AHNAK: variants seen among roughly 807,000 people sequenced by gnomAD.
AHNAK encodes the protein neuroblast differentiation-associated protein AHNAK.
A neutral mutation model predicts 37.8 loss-of-function variants in AHNAK; 23 were observed. The ratio of observed to expected loss-of-function variants is 0.61; its 90% confidence interval spans 0.44 to 0.86. The LOEUF is 0.86. Among genes scored for constraint, AHNAK ranks in the 40% least tolerant of loss-of-function variants. The probability of loss-of-function intolerance (pLI) is 0.00; values close to 1 mark genes in which losing one functional copy is unlikely to be tolerated. For missense variants in AHNAK, 7,411 were observed against 7,319.4 expected, an observed-to-expected ratio of 1.01 and a Z score of -0.46; for synonymous variants, 2,481 against 2,636.3, an observed-to-expected ratio of 0.94 and a Z score of 1.80.
chr11:62,516,621 C>G lies in AHNAK; in HGVS notation c.*123G>C, dbSNP rs1380335514. On this transcript the variant is annotated 3_prime_UTR_variant, in exon 5 of 5. Transcript: ENST00000378024. ...TTTCAGCGCTTGCCACCGGGCCAGG[C>G]AAGGTCTTTGCATGATTGCTGAGGC... is the stretch of plus-strand genomic sequence containing the variant. The G allele has an allele frequency of 6.0e-6, 9 of 1,492,228 alleles. No individual in the cohort carries two copies. Among genetic ancestry groups the G allele is most frequent in the Non-Finnish European group, 8.0e-6 (9 of 1,131,454 alleles). The allele number at this position is 1,492,228 out of a possible 1,614,324, so 92.4% of individuals were successfully genotyped here. A position where few individuals can be genotyped will look rare whatever the true frequency, so the allele number is the denominator to read the frequency against.
At chr11:62,544,553 T>TC in intron 1 of AHNAK, among the ~76,000 whole-genome samples, 1 of 151,924 alleles carries the variant, frequency 6.6e-6, no homozygotes, top group South Asian at 2.1e-4. Flanking sequence ...ACTCTTACCC[T>TC]CCCTAGCTCC....
At chr11:62,433,991 G>A in intron 5 of AHNAK, 1 of 1,453,810 alleles carries the variant, frequency 6.9e-7, no homozygotes, top group South Asian at 1.2e-5. Context: ...CTGAAAGAAG[G>A]TCCCCCCACT....
At position 62,524,492 on chromosome 11, in the gene AHNAK, C is replaced by A; in HGVS notation, c.9925G>T (p.Gly3309Ter). 6.2e-7 allele frequency: 1 copy of A among 1,614,142 alleles called. No individual in the cohort carries two copies. Among genetic ancestry groups the A allele is most frequent in the Non-Finnish European group, 8.5e-7 (1 of 1,180,022 alleles). ...TTGGGCCCAGAGACATCAACATCTCCCTTAAGCTTTGAGCCTTTCAAATTC... is the reference window on the plus strand; with the variant it reads ...TTGGGCCCAGAGACATCAACATCTCACTTAAGCTTTGAGCCTTTCAAATTC... ...DLNLKGSKLK[G>*]DVDVSGPKLE... The change falls in exon 5 of 5, where the codon GGA (glycine) becomes TGA (stop). Residue 3309 changes from glycine to a stop codon, truncating the protein, a stop_gained. Coordinates refer to ENST00000378024, the MANE Select transcript of AHNAK (RefSeq NM_001620.3). LOFTEE classifies it low-confidence loss of function (END_TRUNC).
At chr11:62,504,322 C>G (rs559526341) in intron 4 of AHNAK, among the ~76,000 whole-genome samples, 8 of 152,166 alleles carry the variant, frequency 5.3e-5, no homozygotes, top group African/African-American at 1.7e-4. Flanking sequence ...TGCCAGGCCC[C>G]CCAGCAAATT....
In AHNAK at chr11:62,532,418, C is replaced by G; in HGVS notation, c.1999G>C (p.Glu667Gln). 1 of 1,614,110 alleles carries G rather than the reference C, an allele frequency of 6.2e-7. No individual in the cohort carries two copies. Among genetic ancestry groups the G allele is most frequent in the Non-Finnish European group, 8.5e-7 (1 of 1,180,026 alleles). The change falls in exon 5 of 5, where the codon GAA (glutamate) becomes CAA (glutamine). Residue 667 changes from glutamate to glutamine, a missense_variant. Coordinates refer to ENST00000378024, the MANE Select transcript of AHNAK (RefSeq NM_001620.3). ...ISISGPKVNV[E>Q]APDVNLEGLG... The stretch of plus-strand genomic sequence containing the variant: ...CCCTCCAAGTTGACATCTGGGGCTT[C>G]CACATTGACCTTGGGCCCTGAAATA...
chr11:62,494,829 G>A (rs939959097), intron 4 of AHNAK, among the ~76,000 whole-genome samples: 4 of 151,794 alleles, frequency 2.6e-5, no homozygotes, highest in African/African-American at 9.7e-5. Context: ...TGACCAACAT[G>A]GTCTCTACTA....
chr11:62,454,877 T>A (rs1938622825), intron 5 of AHNAK, among the ~76,000 whole-genome samples: 2 of 152,040 alleles, frequency 1.3e-5, no homozygotes, highest in Non-Finnish European at 2.9e-5. Flanking sequence ...ACCCACACCT[T>A]CCTTAAGTGA....
chr11:62,525,211 C>A lies in AHNAK; in HGVS notation c.9206G>T (p.Gly3069Val), dbSNP rs147904418. 1 of 1,611,630 alleles carries A rather than the reference C, an allele frequency of 6.2e-7. No individual in the cohort carries two copies. Among genetic ancestry groups the A allele is most frequent in the African/African-American group, 1.3e-5 (1 of 74,108 alleles). ...GGGACCTTTCAACTTTCCCTCTGGGCCTTCGATATTCACATCTGGAACATC... is the reference window on the plus strand; with the variant it reads ...GGGACCTTTCAACTTTCCCTCTGGGACTTCGATATTCACATCTGGAACATC... ...DIDVPDVNIE[G>V]PEGKLKGPKF... Residue 3069 changes from glycine to valine, a missense_variant, in exon 5 of 5, where the codon GGC becomes GTC. Gly to Val is a moderately radical substitution (Grantham distance 109). Transcript: ENST00000378024.
chr11:62,458,164 C>T (rs1370517510), intron 5 of AHNAK, among the ~76,000 whole-genome samples: 1 of 152,038 alleles, frequency 6.6e-6, no homozygotes. Flanking sequence ...ATGATCCACC[C>T]GCCTTGGCCT....
chr11:62,434,914 C>T lies in AHNAK; in HGVS notation c.443-1023G>A, dbSNP rs150870692. On this transcript the variant is annotated intron_variant, in intron 5 of 5. Transcript: ENST00000257247. ...TGTCACTGCACTTCAGCCTGGACAA[C>T]ATGGCAAGACCCTGTCTCAAAAAAA... Among the ~76,000 whole-genome samples the T allele has an allele frequency of 3.7e-3, 460 of 123,506 alleles. 4 individuals carry two copies. Among genetic ancestry groups the T allele is most frequent in the Middle Eastern group, 0.032 (5 of 158 alleles). 81.0% of individuals were successfully genotyped at this position (123,506 alleles called of 152,430 possible).
intron 4 of AHNAK, among the ~76,000 whole-genome samples, chr11:62,492,489 G>A (rs1296892186): frequency 3.3e-5 from 5 of 152,288 alleles, no homozygotes; most frequent in African/African-American, 1.2e-4. Flanking sequence ...ACTGAAACCA[G>A]TTCGTGGAGA....
rs1433650579 is a variant in AHNAK at position 62,532,391 on chromosome 11, G to C, written c.2026C>G (p.Leu676Val). 6.2e-7 allele frequency: 1 copy of C among 1,614,008 alleles called. No individual in the cohort carries two copies. Among genetic ancestry groups the C allele is most frequent in the Non-Finnish European group, 8.5e-7 (1 of 1,180,036 alleles). ...VEAPDVNLEGLGGKLKGPDVK... is the reference protein window; with the variant it reads ...VEAPDVNLEGVGGKLKGPDVK... ...TCGGGGCCTTTAAGTTTTCCCCCCA[G>C]ACCCTCCAAGTTGACATCTGGGGCT... Residue 676 changes from leucine to valine, a missense_variant, in exon 5 of 5, where the codon CTG (leucine) becomes GTG (valine). By Grantham distance (32) the Leu-to-Val change is conservative. Transcript: ENST00000378024.
rs542398092 is a variant in AHNAK at position 62,485,530 on chromosome 11, G to A, written c.442+6202C>T. 7.9e-5 allele frequency among the ~76,000 whole-genome samples: 12 copies of A among 151,816 alleles called. No individual in the cohort carries two copies. The East Asian group carries it at 1.2e-3, about 15-fold the overall frequency. ...ATCCTGGCTAACACGGTGAAACCCC[G>A]TCTCTACTAAAAATACAAAAAATTA... On this transcript the variant is annotated intron_variant, in intron 5 of 5. Coordinates refer to the AHNAK transcript ENST00000257247.
In AHNAK at chr11:62,526,907, G is replaced by A; in HGVS notation, c.7510C>T (p.Pro2504Ser). 1 of 1,614,204 alleles carries A rather than the reference G, an allele frequency of 6.2e-7. No homozygotes were observed. The highest frequency in any genetic ancestry group is 1.3e-5 in the African/African-American group (1 of 75,032). Residue 2504 changes from proline (P) to serine (S), a missense_variant, in exon 5 of 5, where the codon CCA (proline) becomes TCA (serine). Coordinates refer to ENST00000378024, the MANE Select transcript of AHNAK (RefSeq NM_001620.3). ...VDVNAPDVQA[P>S]DWHLKMPKMK... is the part of the protein sequence containing the mutation. The stretch of plus-strand genomic sequence containing the variant: ...TTGGGCATCTTCAGGTGCCAGTCTG[G>A]AGCTTGGACATCGGGGGCATTTACA...
At chr11:62,536,427 T>G in intron 2 of AHNAK, 42 bp downstream of exon 2, 2 of 237,694 alleles carry the variant, frequency 8.4e-6, no homozygotes, top group East Asian at 8.5e-5. Context: ...CCTCCCCACA[T>G]CCCGTCACCT....
chr11:62,516,507 G>T lies in AHNAK; in HGVS notation c.*237C>A. 1 of 1,385,634 alleles carries T rather than the reference G, an allele frequency of 7.2e-7. No homozygotes were observed. Among genetic ancestry groups the T allele is most frequent in the Non-Finnish European group, 9.3e-7 (1 of 1,073,116 alleles). 85.8% of individuals were successfully genotyped at this position (1,385,634 alleles called of 1,614,324 possible). On this transcript the variant is annotated 3_prime_UTR_variant, in exon 5 of 5. Transcript: ENST00000378024. ...AAATATATATATATGAAATCTTAAG[G>T]CAAATACTGTTGACTTTGCACATGG... is the stretch of plus-strand genomic sequence containing the variant.
At chr11:62,499,570 C>CGCACAAGTTGAGCTGTCGGCAGCT (rs1692431787) in intron 4 of AHNAK, among the ~76,000 whole-genome samples, 1 of 152,070 alleles carries the variant, frequency 6.6e-6, no homozygotes, top group Non-Finnish European at 1.5e-5. Context: ...AAAAACCAGC[C>CGCACAAGTTGAGCTGTCGGCAGCT]GCACAAGTTG....
chr11:62,450,797 C>A (rs979586695), intron 5 of AHNAK, among the ~76,000 whole-genome samples: 18 of 152,278 alleles, frequency 1.2e-4, no homozygotes, highest in African/African-American at 3.9e-4. Context: ...CCTCTCTCGC[C>A]TTTGCGTTCT....
intron 5 of AHNAK, among the ~76,000 whole-genome samples, chr11:62,456,617 G>A (rs1938664356): frequency 6.6e-6 from 1 of 152,070 alleles, no homozygotes; most frequent in Non-Finnish European, 1.5e-5. Flanking sequence ...CATAGCTCCA[G>A]GCTGCCATTC....
Sources: gnomAD v4.1 joint callset for allele counts (sites outside exome capture counted in the v4.1 genomes callset) on GRCh38, gnomAD v4.1.1 for gene constraint, MANE v1.5 for transcripts, NCBI Gene and HGNC (gene_info 2026-07-23, HGNC 2026-07-21) for gene names.